GPAT2: variants seen among roughly 807,000 people sequenced by gnomAD.
GPAT2 encodes the protein glycerol-3-phosphate acyltransferase 2, mitochondrial, also known as 1-acylglycerol-3-phosphate O-acyltransferase GPAT2.
A neutral mutation model predicts 71.0 loss-of-function variants in GPAT2; 51 were observed. The observed-to-expected ratio is 0.72, with a 90% CI of 0.57 to 0.91. The LOEUF (loss-of-function observed/expected upper bound fraction) is 0.91, where lower values mean the gene tolerates loss of function less well. GPAT2 is among the 40% of genes least tolerant of loss of function. The pLI, the probability that GPAT2 is intolerant of heterozygous loss-of-function variation, is 0.00. For synonymous variants in GPAT2, 222 were observed against 290.3 expected, an observed-to-expected ratio of 0.76 and a Z score of 2.39; for missense variants, 511 against 666.0, an observed-to-expected ratio of 0.77 and a Z score of 2.56.
rs1177847405 is a variant in GPAT2 at position 96,022,115 on chromosome 2, G to A, written c.*44C>T. ...TCTTCTGGCTCTAGGACACAGCTGTGTTCTGGGGCTGAGAAGTCTCAGCAC... is the reference window on the plus strand; with the variant it reads ...TCTTCTGGCTCTAGGACACAGCTGTATTCTGGGGCTGAGAAGTCTCAGCAC... On this transcript the variant is annotated 3_prime_UTR_variant, in exon 22 of 22. Coordinates refer to ENST00000434632, the MANE Select transcript of GPAT2 (RefSeq NM_001321527.2). 1.8e-5 allele frequency: 29 copies of A among 1,603,094 alleles called. No individual in the cohort carries two copies. The highest frequency in any genetic ancestry group is 2.4e-5 in the Non-Finnish European group (28 of 1,175,322).
chr2:96,026,241 C>T lies in GPAT2; in HGVS notation c.1097G>A (p.Trp366Ter), dbSNP rs1394359193. The change falls in exon 11 of 22, where the codon TGG becomes TAG. Residue 366 changes from tryptophan to a stop codon, truncating the protein, a stop_gained. Transcript: ENST00000434632. LOFTEE classifies it high-confidence loss of function. ...GGAGCAGATCCGGTGGCTGCAGCCC[C>T]AGCGGCTCCACAAGCTACGTAGGAC... ...LAVLRSLWSRWGCSHRICSRV... is the reference protein window; with the variant it reads ...LAVLRSLWSR 1.2e-6 allele frequency: 2 copies of T among 1,610,870 alleles called. No individual in the cohort carries two copies. The highest frequency in any genetic ancestry group is 4.5e-5 in the East Asian group (2 of 44,840).
intron 1 of GPAT2, among the ~76,000 whole-genome samples, chr2:96,034,136 C>T (rs1680884184): frequency 8.1e-6 from 1 of 123,782 alleles, no homozygotes; most frequent in African/African-American, 3.0e-5. Flanking sequence ...CGTGCTAAAA[C>T]CTTATGATGT....
chr2:96,024,654 A>C lies in GPAT2; in HGVS notation c.1460T>G (p.Phe487Cys). The C allele has an allele frequency of 6.2e-7, 1 of 1,613,810 alleles. No individual in the cohort carries two copies. The highest frequency in any genetic ancestry group is 8.5e-7 in the Non-Finnish European group (1 of 1,179,890). ...CAGTATCTCCTCCGTCAGCCAGGAG[A>C]ACTCCCCCAGGAGCTGCGACAGGAA... ...GVFLSQLLGE[F>C]SWLTEEILLR... The change falls in exon 15 of 22, where the codon TTC becomes TGC. Residue 487 changes from phenylalanine to cysteine, a missense_variant. Coordinates refer to ENST00000434632, the MANE Select transcript of GPAT2 (RefSeq NM_001321527.2).
intron 13 of GPAT2, 120 bp from the exon 14 acceptor site, chr2:96,024,963 T>G: frequency 8.8e-7 from 1 of 1,141,856 alleles, no homozygotes; most frequent in Non-Finnish European, 1.3e-6. Flanking sequence ...ATGAGGAACG[T>G]ACACCCGGAG....
In GPAT2 at chr2:96,023,155, G is replaced by C. The variant is rs1325154868; in HGVS notation, c.2118C>G (p.Ala706=). Residue 706 remains alanine, a synonymous_variant, in exon 19 of 22, where the codon GCC becomes GCG. Transcript: ENST00000434632. The stretch of plus-strand genomic sequence containing the variant: ...GGAGGAAGGCGGCAGCCTGTGCAAA[G>C]GCCTTGAGCAGCGGGCTGAGCAGGC... ...LCRLLSPLLK[A]FAQAAAFLRQ... 1 of 1,608,132 alleles carries C rather than the reference G, an allele frequency of 6.2e-7. No homozygotes were observed.
intron 21 of GPAT2, 74 bp downstream of exon 21, chr2:96,022,594 A>G: frequency 6.8e-7 from 1 of 1,473,210 alleles, no homozygotes; most frequent in Non-Finnish European, 9.5e-7. Context: ...ATGGGGACAT[A>G]GCTGGGTTTC....
chr2:96,024,825 G>T lies in GPAT2; in HGVS notation c.1376C>A (p.Ala459Glu). ...HVLSASVGSS[A>E]VMSTAIMATL... ...TGCCATAATGGCCGTGCTCATCACC[G>T]CAGAGCTCCCTACACTGGCTGGAGT... The change falls in exon 14 of 22, where the codon GCG becomes GAG. Residue 459 changes from alanine (A) to glutamate (E), a missense_variant. By Grantham distance (107) the Ala-to-Glu change is moderately radical. This residue lies in a region of GPAT2 where 295 missense variants were observed against 305.5 expected (regional missense o/e 0.97). Transcript: ENST00000434632. 1 of 1,613,332 alleles carries T rather than the reference G, an allele frequency of 6.2e-7. No homozygotes were observed.
rs377277001 is a variant in GPAT2 at position 96,025,979 on chromosome 2, C to T, written c.1189G>A (p.Gly397Ser). Residue 397 changes from glycine to serine, a missense_variant, in exon 12 of 22, where the codon GGC becomes AGC. Physicochemically the swap from Gly to Ser is moderately conservative, Grantham distance 56 (BLOSUM62 0). Around this residue, in one of 7 missense-constraint regions of GPAT2, gnomAD observed 79 missense variants for 111.4 expected, o/e 0.71. Transcript: ENST00000434632. ...YIVSARSCWG[G>S]RQTLEQLLQP... is the part of the protein sequence containing the mutation. ...AGTAGCTGCTCCAGGGTCTGTCTGC[C>T]GCCCCAGCAGCTTCTGGCACTGACG... 16 of 1,612,596 alleles carry T rather than the reference C, an allele frequency of 9.9e-6. No individual in the cohort carries two copies. Among genetic ancestry groups the T allele is most frequent in the Admixed American group, 3.3e-5 (2 of 59,998 alleles).
At position 96,031,908 on chromosome 2, in the gene GPAT2, G is replaced by T. The variant is rs560715859; in HGVS notation, c.177+125C>A. On this transcript the variant is annotated intron_variant, in intron 3 of 21. Coordinates refer to ENST00000434632, the MANE Select transcript of GPAT2 (RefSeq NM_001321527.2). ...TACCAGTGCATCCATTCCCCTGAAAGACAGAAGCAGAGGCATGGGGCAGGG... is the reference window on the plus strand; with the variant it reads ...TACCAGTGCATCCATTCCCCTGAAATACAGAAGCAGAGGCATGGGGCAGGG... 70 of 1,124,126 alleles carry T rather than the reference G, an allele frequency of 6.2e-5. 2 individuals carry two copies. In the East Asian group the frequency reaches 1.6e-3, roughly 26 times the overall value. 69.6% of individuals were successfully genotyped at this position (1,124,126 alleles called of 1,614,324 possible).
chr2:96,023,864 G>A (rs1194792091), intron 17 of GPAT2, 59 bp downstream of exon 17: 1 of 1,543,654 alleles, frequency 6.5e-7, no homozygotes, highest in East Asian at 2.4e-5. Flanking sequence ...CACTCAGGGT[G>A]GGAGGCTGGA....
rs778286452 is a variant in GPAT2 at position 96,023,163 on chromosome 2, G to A, written c.2110C>T (p.Leu704Phe). 2.5e-6 allele frequency: 4 copies of A among 1,606,688 alleles called. No homozygotes were observed. In the Admixed American group the frequency reaches 6.8e-5, roughly 27 times the overall value. ...GCGGCAGCCTGTGCAAAGGCCTTGA[G>A]CAGCGGGCTGAGCAGGCGGCAGAGG... ...LFLCRLLSPL[L>F]KAFAQAAAFL... is the part of the protein sequence containing the mutation. Residue 704 changes from leucine (L) to phenylalanine (F), a missense_variant, in exon 19 of 22, where the codon CTC (leucine) becomes TTC (phenylalanine). Coordinates refer to ENST00000434632, the MANE Select transcript of GPAT2 (RefSeq NM_001321527.2).
intron 12 of GPAT2, 120 bp from the exon 13 acceptor site, chr2:96,025,723 G>T: frequency 6.8e-7 from 1 of 1,467,548 alleles, no homozygotes; most frequent in South Asian, 1.2e-5. Context: ...ACAGAGGATG[G>T]CTTCTATAAC....
chr2:96,024,566 G>C lies in GPAT2; in HGVS notation c.1548C>G (p.Ser516Arg), dbSNP rs780785057. 6.2e-7 allele frequency: 1 copy of C among 1,613,796 alleles called. No homozygotes were observed. Among genetic ancestry groups the C allele is most frequent in the Non-Finnish European group, 8.5e-7 (1 of 1,179,896 alleles). ...GCAGGGCCACGTGCGCCCGCAGCAG[G>C]CTCAGTGAGTGCTGCAGCAGGCTCC... is the stretch of plus-strand genomic sequence containing the variant. ...QLRSLLQHSL[S>R]LLRAHVALLR... Residue 516 changes from serine (S) to arginine (R), a missense_variant, in exon 15 of 22, where the codon AGC becomes AGG. Ser to Arg is a moderately radical substitution (Grantham distance 110). Coordinates refer to ENST00000434632, the MANE Select transcript of GPAT2 (RefSeq NM_001321527.2).
chr2:96,024,521 G>A lies in GPAT2; in HGVS notation c.1593C>T (p.Asp531=). 1.9e-6 allele frequency: 3 copies of A among 1,613,960 alleles called. No individual in the cohort carries two copies. In the South Asian group the frequency reaches 3.3e-5, roughly 18 times the overall value. Residue 531 remains aspartate (D), a synonymous_variant, in exon 15 of 22, where the codon GAC becomes GAT. Coordinates refer to ENST00000434632, the MANE Select transcript of GPAT2 (RefSeq NM_001321527.2). ...HVALLRIRQG[D]LLVVPQPGPG... ...GGCCAGGCTGCGGCACCACCAGCAA[G>A]TCACCCTGACGGATGCGCAGCAGGG... is the stretch of plus-strand genomic sequence containing the variant.
Position 96,024,496 on chromosome 2 carries a change from G to A in GPAT2, c.1618C>T (p.Pro540Ser). The change falls in exon 15 of 22, where the codon CCA becomes TCA. Residue 540 changes from proline (P) to serine (S), a missense_variant. This residue lies in a region of GPAT2 where 295 missense variants were observed against 305.5 expected (regional missense o/e 0.97). Coordinates refer to ENST00000434632, the MANE Select transcript of GPAT2 (RefSeq NM_001321527.2). ...GDLLVVPQPG[P>S]GLTHLAQLSA... Reference sequence around the variant, plus strand: ...AGTTGTGCCAGGTGTGTGAGGCCTGGGCCAGGCTGCGGCACCACCAGCAAG... The same window carrying A: ...AGTTGTGCCAGGTGTGTGAGGCCTGAGCCAGGCTGCGGCACCACCAGCAAG... 1 of 1,613,984 alleles carries A rather than the reference G, an allele frequency of 6.2e-7. No homozygotes were observed. The highest frequency in any genetic ancestry group is 8.5e-7 in the Non-Finnish European group (1 of 1,179,970).
chr2:96,023,847 C>A (rs1024426914), intron 17 of GPAT2, 76 bp downstream of exon 17: 2 of 1,535,536 alleles, frequency 1.3e-6, no homozygotes, highest in African/African-American at 1.4e-5. Flanking sequence ...GAGCCTGGGG[C>A]AGCTGGCACT....
chr2:96,022,960 A>T lies in GPAT2; in HGVS notation c.2231T>A (p.Phe744Tyr). The T allele has an allele frequency of 6.2e-7, 1 of 1,613,848 alleles. No homozygotes were observed. The highest frequency in any genetic ancestry group is 2.2e-5 in the East Asian group (1 of 44,880). ...LQATAQEEGIFECADPKLAIS... is the reference protein window; with the variant it reads ...LQATAQEEGIYECADPKLAIS... ...TGGGCTGACTGGTTGGGACTCACCGAAGATCCCTTCTTCCTGGGCGGTGGC... is the reference window on the plus strand; with the variant it reads ...TGGGCTGACTGGTTGGGACTCACCGTAGATCCCTTCTTCCTGGGCGGTGGC... Residue 744 changes from phenylalanine to tyrosine, a missense_variant and splice_region_variant, in exon 20 of 22, where the codon TTC becomes TAC. This residue lies in a region of GPAT2 where 108 missense variants were observed against 117.6 expected (regional missense o/e 0.92). Coordinates refer to ENST00000434632, the MANE Select transcript of GPAT2 (RefSeq NM_001321527.2).
intron 17 of GPAT2, 116 bp downstream of exon 17, chr2:96,023,807 C>G: frequency 1.3e-6 from 2 of 1,489,564 alleles, no homozygotes; most frequent in Non-Finnish European, 1.8e-6. Flanking sequence ...AGGGGCTGCC[C>G]ACCCCCACAG....
Position 96,023,515 on chromosome 2 carries a change from C to T in GPAT2, c.1915-75G>A, listed in dbSNP as rs543313542. The stretch of plus-strand genomic sequence containing the variant: ...CCTACACCCCCAGACCAGGTACATG[C>T]AGGTGAAACCAGTAAAAGCAGACCT... On this transcript the variant is annotated intron_variant, in intron 17 of 21. Coordinates refer to ENST00000434632, the MANE Select transcript of GPAT2 (RefSeq NM_001321527.2). The T allele has an allele frequency of 1.5e-4, 225 of 1,483,402 alleles. 3 individuals are homozygous for T. The South Asian group carries it at 2.4e-3, about 16-fold the overall frequency. 91.9% of individuals were successfully genotyped at this position (1,483,402 alleles called of 1,614,324 possible).
Sources: allele counts gnomAD v4.1 joint callset (sites outside exome capture counted in the v4.1 genomes callset), GRCh38; gene constraint gnomAD v4.1.1; regional missense constraint gnomAD v4.1.1; transcripts MANE v1.5; gene names NCBI Gene and HGNC (gene_info 2026-07-23, HGNC 2026-07-21).